Variants in SPATA9 observed in about 807,000 individuals in gnomAD.
The protein encoded by SPATA9 is spermatogenesis associated 9, also known as spermatogenesis-associated protein 9.
Under a neutral mutation model 25.5 loss-of-function variants are expected in SPATA9, and 27 were observed. That is an observed-to-expected ratio of 1.06 (90% confidence interval 0.78 to 1.46). The LOEUF is 1.46. SPATA9 is among the 40% of genes most tolerant of loss of function. The pLI is 0.00. For synonymous variants in SPATA9, 102 were observed against 105.7 expected (o/e 0.97, Z 0.21); for missense variants, 282 against 297.5 (o/e 0.95, Z 0.38).
downstream of SPATA9, chr5:95,652,243 C>G: frequency 3.2e-6 from 5 of 1,545,786 alleles, no homozygotes; most frequent in Non-Finnish European, 4.4e-6. Context: ...TCTTGCCTCT[C>G]TACAACCTCT....
chr5:95,657,579 G>A (rs985007273), downstream of SPATA9: 2 of 152,044 alleles, frequency 1.3e-5, no homozygotes, highest in African/African-American at 4.8e-5. Flanking sequence ...CTAAGGAGCC[G>A]ACCTGGACTC....
chr5:95,722,531 C>T, the SPATA9 span, among the ~76,000 whole-genome samples: 6 of 152,072 alleles, frequency 3.9e-5, 1 homozygote, highest in African/African-American at 1.4e-4. Context: ...CGCTCTGTCA[C>T]CTGGGCTGCA....
chr5:95,660,479 T>C (rs1345807263), intron 4 of SPATA9, among the ~76,000 whole-genome samples: 3 of 152,174 alleles, frequency 2.0e-5, no homozygotes, highest in African/African-American at 7.2e-5. Flanking sequence ...TTAAGATATT[T>C]AAGTATCTTT....
At chr5:95,688,885 A>G (rs1474483256) in intron 1 of SPATA9, among the ~76,000 whole-genome samples, 1 of 152,208 alleles carries the variant, frequency 6.6e-6, no homozygotes, top group African/African-American at 2.4e-5. Flanking sequence ...TAATTTTAAA[A>G]ACCTTCCTGA....
At chr5:95,686,115 G>C (rs1299511527), upstream of SPATA9, among the ~76,000 whole-genome samples, 1 of 152,170 alleles carries the variant, frequency 6.6e-6, no homozygotes, top group Non-Finnish European at 1.5e-5. Context: ...TGGTATTACA[G>C]ACGTGAGCCA....
At chr5:95,713,984 G>C in the SPATA9 span, among the ~76,000 whole-genome samples, 2 of 151,956 alleles carry the variant, frequency 1.3e-5, no homozygotes, top group African/African-American at 2.4e-5. Context: ...TGACTTTAAA[G>C]TCTCTTGGGA....
chr5:95,686,415 T>C (rs1753747082), upstream of SPATA9, among the ~76,000 whole-genome samples: 1 of 151,830 alleles, frequency 6.6e-6, no homozygotes, highest in Admixed American at 6.6e-5. Context: ...AATCTAGTAG[T>C]AAAAAGCCCC....
At chr5:95,671,194 A>G (rs1379259883) in intron 3 of SPATA9, among the ~76,000 whole-genome samples, 1 of 152,176 alleles carries the variant, frequency 6.6e-6, no homozygotes, top group African/African-American at 2.4e-5. Flanking sequence ...CAGATACAGT[A>G]TCCTATCTCT....
chr5:95,731,590 C>A, the SPATA9 span: 3 of 1,574,546 alleles, frequency 1.9e-6, no homozygotes, highest in Non-Finnish European at 2.6e-6. Context: ...CGGGGATGAG[C>A]GGATTGCGGG....
the SPATA9 span, among the ~76,000 whole-genome samples, chr5:95,703,804 T>C: frequency 5.5e-5 from 8 of 144,306 alleles, no homozygotes; most frequent in East Asian, 1.6e-3. Context: ...AATAAAATAG[T>C]TTCATAAAAA....
chr5:95,708,323 G>A, the SPATA9 span, among the ~76,000 whole-genome samples: 1 of 152,076 alleles, frequency 6.6e-6, no homozygotes, highest in East Asian at 1.9e-4. Flanking sequence ...TTTTTTTTTG[G>A]ATGGTGAACA....
intron 3 of SPATA9, among the ~76,000 whole-genome samples, chr5:95,665,342 C>T (rs1210964184): frequency 1.3e-5 from 2 of 152,192 alleles, no homozygotes; most frequent in East Asian, 3.9e-4. Context: ...ACCCATTTAA[C>T]AACCTCTCAC....
chr5:95,717,164 G>A, the SPATA9 span: 2 of 152,100 alleles, frequency 1.3e-5, no homozygotes, highest in Non-Finnish European at 2.9e-5. Context: ...AATGTGGATG[G>A]GACTCATCAA....
At chr5:95,688,760 T>C (rs1213576070) in intron 1 of SPATA9, among the ~76,000 whole-genome samples, 6 of 152,126 alleles carry the variant, frequency 3.9e-5, no homozygotes, top group East Asian at 3.8e-4. Flanking sequence ...AATTACCTAA[T>C]GGGTACAATG....
At chr5:95,705,131 T>TTTA in the SPATA9 span, among the ~76,000 whole-genome samples, 2 of 143,900 alleles carry the variant, frequency 1.4e-5, no homozygotes, top group East Asian at 4.4e-4. Context: ...TTATTTATTT[T>TTTA]TATTTTTCGT....
chr5:95,658,630 T>C lies in SPATA9; in HGVS notation c.758A>G (p.Gln253Arg). ...VFDQSAEMNE[Q>R]I is the part of the protein sequence containing the mutation. ...GTTCAGTGATACCTGTATTCAGATT[T>C]GCTCATTCATTTCAGCTGATTGGTC... Residue 253 changes from glutamine to arginine, a missense_variant, in exon 5 of 5, where the codon CAA becomes CGA. Physicochemically the swap from Gln to Arg is conservative, Grantham distance 43. Transcript: ENST00000274432. The C allele has an allele frequency of 6.2e-7, 1 of 1,612,432 alleles. No homozygotes were observed. Among genetic ancestry groups the C allele is most frequent in the South Asian group, 1.1e-5 (1 of 90,884 alleles).
exon 9 of SPATA9, chr5:95,653,090 A>C (rs879672689): frequency 3.4e-5 from 52 of 1,550,320 alleles, no homozygotes; most frequent in Non-Finnish European, 4.4e-5. Flanking sequence ...TCTTTCCTTC[A>C]GGCTTTTGTA....
At chr5:95,713,153 C>G in the SPATA9 span, among the ~76,000 whole-genome samples, 1 of 152,088 alleles carries the variant, frequency 6.6e-6, no homozygotes, top group South Asian at 2.1e-4. Flanking sequence ...AAACAAAAAC[C>G]CATGTCCCAG....
intron 1 of SPATA9, among the ~76,000 whole-genome samples, chr5:95,691,164 C>A (rs12520693): frequency 0.022 from 3,268 of 149,150 alleles, 44 homozygotes; most frequent in Non-Finnish European, 0.03. Flanking sequence ...TGCAGTGAGC[C>A]GAGATCGTGC....
Sources: allele counts gnomAD v4.1 joint callset (sites outside exome capture counted in the v4.1 genomes callset), GRCh38; gene constraint gnomAD v4.1.1; transcripts MANE v1.5; gene names NCBI Gene and HGNC (gene_info 2026-07-23, HGNC 2026-07-21).